Variants in UBR4 observed in about 807,000 individuals in gnomAD.
UBR4 encodes E3 ubiquitin-protein ligase UBR4.
A neutral mutation model predicts 575.6 loss-of-function variants in UBR4; 124 were observed. The observed-to-expected ratio is 0.22, with a 90% CI of 0.19 to 0.25. UBR4 has a LOEUF of 0.25. Ranked by LOEUF, UBR4 falls within the 10% of genes least tolerant of loss-of-function variation. The pLI, the probability that UBR4 is intolerant of heterozygous loss-of-function variation, is 1.00. For synonymous variants in UBR4, 2,455 were observed against 2,473.7 expected, an observed-to-expected ratio of 0.99 and a Z score of 0.22; for missense variants, 4,818 against 6,478.8, an observed-to-expected ratio of 0.74 and a Z score of 8.80.
At chr1:19,148,407 T>C (rs920601698) in intron 50 of UBR4, among the ~76,000 whole-genome samples, 156 bp downstream of exon 50, 4 of 152,080 alleles carry the variant, frequency 2.6e-5, no homozygotes, top group African/African-American at 9.7e-5. Context: ...AAGTAGGACA[T>C]AGGCCTTAAG....
rs555050832 is a variant in UBR4 at position 19,145,508 on chromosome 1, G to GACACACACACACACACACACACACACAC, written c.7945+257_7945+284dup. ...TTTAAAAACAATTATAAACCACTGA[G>GACACACACACACACACACACACACACAC]ACACACACACACACACACACACACA... On this transcript the variant is annotated intron_variant, in intron 53 of 105. Coordinates refer to ENST00000375254, the MANE Select transcript of UBR4 (RefSeq NM_020765.3). 1.8e-3 allele frequency among the ~76,000 whole-genome samples: 268 copies of GACACACACACACACACACACACACACAC among 145,098 alleles called. 4 individuals carry two copies. The highest frequency in any genetic ancestry group is 9.3e-3 in the Admixed American group (135 of 14,460).
rs771206514 is a variant in UBR4 at position 19,121,168 on chromosome 1, T to G, written c.10141+21A>C. 1.6e-5 allele frequency: 26 copies of G among 1,610,534 alleles called. No homozygotes were observed. The South Asian group carries it at 2.4e-4, about 15-fold the overall frequency. ...TTTACATACATCATTGTAGTCACAA[T>G]GACAAGAGGGTGACCCTTACCATCT... On this transcript the variant is annotated intron_variant, in intron 68 of 105. Transcript: ENST00000375254.
intron 102 of UBR4, chr1:19,081,986 G>GAT (rs1445321600): frequency 1.0e-5 from 6 of 582,200 alleles, no homozygotes; most frequent in Non-Finnish European, 1.8e-5. Context: ...CCAAAAACAT[G>GAT]AATCAAGATT....
At chr1:19,116,367 C>T (rs1174189879) in intron 73 of UBR4, among the ~76,000 whole-genome samples, 2 of 152,314 alleles carry the variant, frequency 1.3e-5, no homozygotes, top group African/African-American at 2.4e-5. Flanking sequence ...AACCCACCTC[C>T]TCTGGAGGGG....
At chr1:19,163,520 T>C (rs1000067008) in intron 34 of UBR4, among the ~76,000 whole-genome samples, 1 of 152,224 alleles carries the variant, frequency 6.6e-6, no homozygotes, top group Non-Finnish European at 1.5e-5. Context: ...AACTCTATGT[T>C]TTAAGAAAGA....
At position 19,156,873 on chromosome 1, in the gene UBR4, C is replaced by T. The variant is rs768642507; in HGVS notation, c.5813G>A (p.Arg1938Lys). 6.2e-7 allele frequency: 1 copy of T among 1,614,152 alleles called. No individual in the cohort carries two copies. The highest frequency in any genetic ancestry group is 2.2e-5 in the East Asian group (1 of 44,874). Reference sequence around the variant, plus strand: ...AGCCAAGCGGGTCAGAGTTAACTTCCTTTTGCTGGAATCTGCTTGCTTCAG... The same window carrying T: ...AGCCAAGCGGGTCAGAGTTAACTTCTTTTTGCTGGAATCTGCTTGCTTCAG... Reference protein sequence around the residue: ...ALLKQADSSKRKLTLTRLASA... With the variant: ...ALLKQADSSKKKLTLTRLASA... Residue 1938 changes from arginine to lysine, a missense_variant, in exon 41 of 106, where the codon AGG (arginine) becomes AAG (lysine). This residue lies in a region of UBR4 where 461 missense variants were observed against 606.9 expected (regional missense o/e 0.76). Transcript: ENST00000375254.
rs763504786 is a variant in UBR4 at position 19,112,850 on chromosome 1, G to C, written c.11475C>G (p.Arg3825=). The C allele has an allele frequency of 1.3e-6, 2 of 1,584,536 alleles. No individual in the cohort carries two copies. The highest frequency in any genetic ancestry group is 2.3e-5 in the South Asian group (2 of 87,958). ...SKIIQKVFAS[R]KELLEYDLQQ... is the part of the protein sequence containing the mutation. ...GTAGGTCATATTCCAACAACTCTTT[G>C]CGCGAAGCAAAGACTTTCTAAGAAC... The change falls in exon 78 of 106, where the codon CGC becomes CGG. Residue 3825 remains arginine, a synonymous_variant. Transcript: ENST00000375254.
Position 19,141,459 on chromosome 1 carries a change from G to A in UBR4, c.8376C>T (p.Ala2792=), listed in dbSNP as rs2083928467. Residue 2792 remains alanine (A), a synonymous_variant, in exon 57 of 106, where the codon GCC becomes GCT. Transcript: ENST00000375254. ...VNNGNPSPLE[A]LLAGAEGFPP... is the part of the protein sequence containing the mutation. The stretch of plus-strand genomic sequence containing the variant: ...GGAAGCCCTCTGCGCCTGCCAGCAG[G>A]GCCTCCAGGGGAGAGGGGTTGCCAT... 1 of 1,614,124 alleles carries A rather than the reference G, an allele frequency of 6.2e-7. No individual in the cohort carries two copies. Among genetic ancestry groups the A allele is most frequent in the Non-Finnish European group, 8.5e-7 (1 of 1,179,984 alleles).
chr1:19,096,214 T>A (rs1330429816), intron 92 of UBR4, among the ~76,000 whole-genome samples: 1 of 151,938 alleles, frequency 6.6e-6, no homozygotes, highest in Non-Finnish European at 1.5e-5. Flanking sequence ...AAGAAATGAG[T>A]TACATTACAA....
intron 39 of UBR4, 55 bp from the exon 40 acceptor site, chr1:19,158,052 T>A (rs1036888987): frequency 1.7e-5 from 26 of 1,564,388 alleles, no homozygotes; most frequent in Non-Finnish European, 2.3e-5. Context: ...TAAAATCAAG[T>A]GGATTCACGC....
In UBR4 at chr1:19,163,754, C is replaced by A. The variant is rs775440575; in HGVS notation, c.4764+10G>T. ...CTTCACCCCCCATTGTCATTCCTCA[C>A]TTTTCTTACCTTTCCATGCATTACA... On this transcript the variant is annotated intron_variant, in intron 34 of 105. Coordinates refer to ENST00000375254, the MANE Select transcript of UBR4 (RefSeq NM_020765.3). 1.2e-6 allele frequency: 2 copies of A among 1,614,048 alleles called. No individual in the cohort carries two copies. Among genetic ancestry groups the A allele is most frequent in the South Asian group, 2.2e-5 (2 of 91,074 alleles).
In UBR4 at chr1:19,157,551, T is replaced by C. The variant is rs1057006797; in HGVS notation, c.5760+264A>G. 6.6e-6 allele frequency among the ~76,000 whole-genome samples: 1 copy of C among 152,246 alleles called. No individual in the cohort carries two copies. Among genetic ancestry groups the C allele is most frequent in the East Asian group, 1.9e-4 (1 of 5,200 alleles). On this transcript the variant is annotated intron_variant, in intron 40 of 105. Transcript: ENST00000375254. The surrounding 1 kb of genome is among the most constrained non-coding windows in gnomAD (Gnocchi z 4.4). Reference sequence around the variant, plus strand: ...TCCTCGGTAACTGCTAATCATTACTTTTTCCTGAGGGCTTTGAAGAATACG... The same window carrying C: ...TCCTCGGTAACTGCTAATCATTACTCTTTCCTGAGGGCTTTGAAGAATACG...
chr1:19,169,708 T>C (rs903371224), intron 26 of UBR4, among the ~76,000 whole-genome samples, 176 bp from the exon 27 acceptor site: 11 of 152,238 alleles, frequency 7.2e-5, no homozygotes, highest in Non-Finnish European at 1.5e-4. Flanking sequence ...AACCAGTTAA[T>C]TGCTTAATAG....
intron 66 of UBR4, 80 bp downstream of exon 66, chr1:19,122,753 T>C (rs2081314726): frequency 2.7e-6 from 4 of 1,484,204 alleles, no homozygotes; most frequent in Admixed American, 1.7e-5. Context: ...TCCTGCATTA[T>C]TACCTCCAGC....
chr1:19,110,242 G>A lies in UBR4; in HGVS notation c.11978-19C>T, dbSNP rs753886978. ...CTGAGAGCTAGGGATGGTCAGGAAA[G>A]GCAGAGTCACAATCAGGAACACTAC... On this transcript the variant is annotated intron_variant, in intron 80 of 105. Coordinates refer to ENST00000375254, the MANE Select transcript of UBR4 (RefSeq NM_020765.3). The surrounding 1 kb of genome is among the most constrained non-coding windows in gnomAD (Gnocchi z 4.5). The A allele has an allele frequency of 1.9e-6, 3 of 1,614,196 alleles. No individual in the cohort carries two copies. The highest frequency in any genetic ancestry group is 2.5e-6 in the Non-Finnish European group (3 of 1,180,026).
chr1:19,157,725 G>C lies in UBR4; in HGVS notation c.5760+90C>G. Reference sequence around the variant, plus strand: ...AACGCAGTGGACTTTTTCCCACAGAGGGCTAATCCGAATGTGGTCATCAAT... The same window carrying C: ...AACGCAGTGGACTTTTTCCCACAGACGGCTAATCCGAATGTGGTCATCAAT... On this transcript the variant is annotated intron_variant, in intron 40 of 105. Transcript: ENST00000375254. This position sits in a 1 kb window ranked among gnomAD's most constrained non-coding sequence, Gnocchi z 4.4. 1 of 1,504,506 alleles carries C rather than the reference G, an allele frequency of 6.6e-7. No individual in the cohort carries two copies. The highest frequency in any genetic ancestry group is 2.2e-4 in the Middle Eastern group (1 of 4,472). 93.2% of individuals were successfully genotyped at this position (1,504,506 alleles called of 1,614,324 possible). A position where few individuals can be genotyped will look rare whatever the true frequency, so the allele number is the denominator to read the frequency against.
chr1:19,192,265 C>T lies in UBR4; in HGVS notation c.1317G>A (p.Leu439=), dbSNP rs1437784484. 1 of 1,614,128 alleles carries T rather than the reference C, an allele frequency of 6.2e-7. No homozygotes were observed. The highest frequency in any genetic ancestry group is 1.1e-5 in the South Asian group (1 of 91,072). Residue 439 remains leucine, a synonymous_variant, in exon 11 of 106, where the codon CTG becomes CTA. Transcript: ENST00000375254. The stretch of plus-strand genomic sequence containing the variant: ...GGATGTCTCTGACTCGGAGGGCAGC[C>T]AGTGGGTCCTTCTCTTTCCCCTTAT... The part of the protein sequence containing the change: ...LADKGKEKDP[L]AALRVRDILS...
At chr1:19,135,697 A>C (rs2083125596) in intron 60 of UBR4, among the ~76,000 whole-genome samples, 1 of 152,180 alleles carries the variant, frequency 6.6e-6, no homozygotes, top group South Asian at 2.1e-4. Context: ...AGAGATTCTA[A>C]GAGACATGAA....
chr1:19,158,934 T>C (rs936237674), intron 39 of UBR4, among the ~76,000 whole-genome samples: 1 of 151,986 alleles, frequency 6.6e-6, no homozygotes, highest in Non-Finnish European at 1.5e-5. Flanking sequence ...TTGAGCACAG[T>C]TGTTCGAGAC....
Sources: allele counts gnomAD v4.1 joint callset (sites outside exome capture counted in the v4.1 genomes callset), GRCh38; gene constraint gnomAD v4.1.1; regional missense constraint gnomAD v4.1.1; non-coding constraint Gnocchi (gnomAD v3.1); transcripts MANE v1.5; gene names NCBI Gene and HGNC (gene_info 2026-07-23, HGNC 2026-07-21).